DAB1: variants seen among roughly 807,000 people sequenced by gnomAD.
DAB1 encodes the protein disabled homolog 1.
A neutral mutation model predicts 64.6 loss-of-function variants in DAB1; 15 were observed. The observed-to-expected ratio is 0.23, with a 90% CI of 0.16 to 0.36. The LOEUF is 0.36. Ranked by LOEUF, DAB1 falls within the 10% of genes least tolerant of loss-of-function variation. The pLI is 1.00. For missense variants in DAB1, 596 were observed against 706.7 expected, an observed-to-expected ratio of 0.84 and a Z score of 1.78; for synonymous variants, 235 against 251.9, an observed-to-expected ratio of 0.93 and a Z score of 0.64.
At chr1:57,772,354 T>C (rs1649599399) in intron 6 of DAB1, among the ~76,000 whole-genome samples, 1 of 152,168 alleles carries the variant, frequency 6.6e-6, no homozygotes, top group South Asian at 2.1e-4. Flanking sequence ...AAATTGTGTT[T>C]ATTATTGAAA....
chr1:57,758,014 T>C (rs1569591800), intron 6 of DAB1, among the ~76,000 whole-genome samples: 2 of 152,074 alleles, frequency 1.3e-5, no homozygotes, highest in Non-Finnish European at 2.9e-5. Flanking sequence ...ATGGGGTCTT[T>C]CAGTGTTGCC....
At chr1:57,277,471 G>C (rs1671557689) in intron 2 of DAB1, among the ~76,000 whole-genome samples, 2 of 152,106 alleles carry the variant, frequency 1.3e-5, no homozygotes, top group African/African-American at 4.8e-5. Context: ...TAAGACAGCA[G>C]AAACAAGTCT....
At chr1:57,893,403 T>C (rs1557541223) in intron 5 of DAB1, among the ~76,000 whole-genome samples, 1 of 152,262 alleles carries the variant, frequency 6.6e-6, no homozygotes, top group East Asian at 1.9e-4. Context: ...TGTATTTTTT[T>C]GTTCTAGATA....
intron 1 of DAB1, among the ~76,000 whole-genome samples, chr1:57,856,865 G>C (rs1243938723): frequency 2.0e-5 from 3 of 152,152 alleles, no homozygotes; most frequent in Non-Finnish European, 4.4e-5. Flanking sequence ...TGGACCTATG[G>C]GGATGTGAAT....
intron 5 of DAB1, among the ~76,000 whole-genome samples, chr1:58,000,400 T>G (rs1646488637): frequency 6.6e-6 from 1 of 152,154 alleles, no homozygotes; most frequent in Admixed American, 6.6e-5. Context: ...GTATGTGTTT[T>G]GGCACATAAA....
intron 4 of DAB1, among the ~76,000 whole-genome samples, chr1:58,177,693 A>G (rs916202065): frequency 1.3e-5 from 2 of 152,130 alleles, no homozygotes; most frequent in African/African-American, 4.8e-5. Context: ...TGCAAAGTAT[A>G]TATAAACATT....
intron 7 of DAB1, among the ~76,000 whole-genome samples, chr1:57,632,075 T>C (rs867427313): frequency 1.3e-5 from 2 of 152,206 alleles, no homozygotes; most frequent in Non-Finnish European, 1.5e-5. Flanking sequence ...CTGAGGTATA[T>C]GGGATTTAGG....
intron 7 of DAB1, among the ~76,000 whole-genome samples, chr1:57,583,278 T>A (rs1320737149): frequency 6.7e-6 from 1 of 149,502 alleles, no homozygotes; most frequent in Non-Finnish European, 1.5e-5. Flanking sequence ...GGTTTCTTGT[T>A]TTTTTTCTTT....
intron 5 of DAB1, among the ~76,000 whole-genome samples, chr1:58,087,696 C>T (rs1023580316): frequency 2.0e-5 from 3 of 151,574 alleles, no homozygotes; most frequent in African/African-American, 7.3e-5. Context: ...GGAAGCAGAA[C>T]AGCATTTACC....
In DAB1 at chr1:57,595,155, A is replaced by T. The variant is rs372972921; in HGVS notation, n.625+54437T>A. On this transcript the variant is annotated intron_variant and non_coding_transcript_variant, in intron 7 of 20. Transcript: ENST00000485760. The stretch of plus-strand genomic sequence containing the variant: ...TGAATATAGTTGTTGTTTTTAAAAA[A>T]ATCTGTTTCTACCCACTTCCATTAA... Among the ~76,000 whole-genome samples the T allele has an allele frequency of 5.9e-5, 9 of 152,240 alleles. No individual in the cohort carries two copies. In the South Asian group the frequency reaches 1.2e-3, roughly 21 times the overall value.
intron 1 of DAB1, among the ~76,000 whole-genome samples, chr1:57,864,187 T>C (rs1174429699): frequency 6.6e-6 from 1 of 152,170 alleles, no homozygotes; most frequent in African/African-American, 2.4e-5. Flanking sequence ...CAAGCATGTG[T>C]CATGTGGATG....
chr1:58,387,959 C>A (rs1365949233), intron 3 of DAB1, among the ~76,000 whole-genome samples: 1 of 152,090 alleles, frequency 6.6e-6, no homozygotes, highest in Non-Finnish European at 1.5e-5. Flanking sequence ...TATCTCCTGA[C>A]CTCATGATCC....
intron 5 of DAB1, among the ~76,000 whole-genome samples, chr1:58,107,734 A>G (rs919251398): frequency 1.3e-5 from 2 of 151,968 alleles, no homozygotes; most frequent in Non-Finnish European, 2.9e-5. Context: ...CTCCAGCCTC[A>G]GCCTCCAAAG....
chr1:58,166,728 T>C (rs1215663156), intron 4 of DAB1, among the ~76,000 whole-genome samples: 3 of 150,350 alleles, frequency 2.0e-5, no homozygotes, highest in African/African-American at 7.4e-5. Flanking sequence ...TTAACATTTT[T>C]TGTTGTTGTT....
chr1:57,232,356 T>C (rs1667747031), intron 2 of DAB1, among the ~76,000 whole-genome samples: 1 of 146,812 alleles, frequency 6.8e-6, no homozygotes, highest in Admixed American at 7.2e-5. Context: ...ATGGTGATGA[T>C]TTCTGTATTA....
At chr1:57,767,703 G>A (rs1649377432) in intron 6 of DAB1, among the ~76,000 whole-genome samples, 1 of 152,056 alleles carries the variant, frequency 6.6e-6, no homozygotes, top group African/African-American at 2.4e-5. Context: ...AACAAATCTT[G>A]TCCACACCTA....
chr1:58,258,638 A>G (rs1660985973), intron 4 of DAB1, among the ~76,000 whole-genome samples: 1 of 152,184 alleles, frequency 6.6e-6, no homozygotes, highest in Non-Finnish European at 1.5e-5. Context: ...CAAATATTGG[A>G]GCAGAGACTG....
At chr1:58,527,417 C>A in intron 1 of DAB1, 2 of 748,860 alleles carry the variant, frequency 2.7e-6, no homozygotes, top group Non-Finnish European at 4.8e-6. Flanking sequence ...TTTTAAAAAA[C>A]AGTTTCATGG....
At chr1:57,432,214 G>A (rs1164580890) in intron 7 of DAB1, among the ~76,000 whole-genome samples, 1 of 152,032 alleles carries the variant, frequency 6.6e-6, no homozygotes, top group Non-Finnish European at 1.5e-5. Flanking sequence ...ATATTTTGTA[G>A]CCTCTATGTT....
Sources: allele counts gnomAD v4.1 joint callset (sites outside exome capture counted in the v4.1 genomes callset), GRCh38; gene constraint gnomAD v4.1.1; transcripts MANE v1.5; gene names NCBI Gene and HGNC (gene_info 2026-07-23, HGNC 2026-07-21).